PFKFB1: variants seen among roughly 807,000 people sequenced by gnomAD.
The protein encoded by PFKFB1 is 6-phosphofructo-2-kinase/fructose-2,6-bisphosphatase 1.
In PFKFB1, 34 loss-of-function variants were observed where a neutral mutation model predicts 46.4. The observed-to-expected ratio is 0.73, with a 90% CI of 0.56 to 0.98. The LOEUF is 0.98. PFKFB1 is among the 50% of genes least tolerant of loss of function. PFKFB1 has a pLI of 0.00. For synonymous variants in PFKFB1, 119 were observed against 133.8 expected (o/e 0.89, Z 0.76); for missense variants, 393 against 376.3 (o/e 1.04, Z -0.37).
intron 4 of PFKFB1, among the ~76,000 whole-genome samples, chrX:54,959,527 T>C (rs913604175): frequency 3.6e-5 from 4 of 111,780 alleles, no homozygotes; most frequent in African/African-American, 9.8e-5. Flanking sequence ...AGACTGGTAG[T>C]GTATAGTGGT....
chrX:54,954,548 A>G (rs1934079961), intron 7 of PFKFB1, among the ~76,000 whole-genome samples: 1 of 112,196 alleles, frequency 8.9e-6, no homozygotes, highest in African/African-American at 3.2e-5. Flanking sequence ...AAAAGTTTTT[A>G]AGATAGTTTT....
At chrX:54,972,906 C>T (rs770001427) in intron 1 of PFKFB1, among the ~76,000 whole-genome samples, 24 of 110,422 alleles carry the variant, frequency 2.2e-4, no homozygotes, top group Admixed American at 5.8e-4. Context: ...TAGTTTCAGA[C>T]GGAATGGTAC....
At chrX:54,997,826 T>C (rs193295600), upstream of PFKFB1, among the ~76,000 whole-genome samples, 48 of 112,198 alleles carry the variant, frequency 4.3e-4, no homozygotes, top group Non-Finnish European at 7.5e-5. Flanking sequence ...CCACAGACTA[T>C]AGTCGCACAG....
chrX:54,995,537 T>G (rs959187877), upstream of PFKFB1, among the ~76,000 whole-genome samples: 2 of 112,172 alleles, frequency 1.8e-5, no homozygotes, highest in Non-Finnish European at 3.8e-5. Context: ...TTAAGAGCAA[T>G]AGGCTCTGGA....
upstream of PFKFB1, chrX:54,994,540 A>C (rs1935328728): frequency 2.7e-6 from 2 of 752,730 alleles, no homozygotes; most frequent in Non-Finnish European, 3.1e-6. Context: ...CCAGAAACCA[A>C]GATTCACATC....
intron 1 of PFKFB1, among the ~76,000 whole-genome samples, chrX:54,965,110 G>A (rs1202335149): frequency 9.0e-6 from 1 of 111,551 alleles, no homozygotes; most frequent in Non-Finnish European, 1.9e-5. Flanking sequence ...AAAGAATAAG[G>A]CAGAAGAAAT....
intron 3 of PFKFB1, 29 bp from the exon 4 acceptor site, chrX:54,959,922 C>T (rs778651604): frequency 8.6e-6 from 9 of 1,042,518 alleles, no homozygotes; most frequent in Admixed American, 2.3e-5. Flanking sequence ...GAAAAAGAGG[C>T]AACCCTTATC....
chrX:54,994,173 C>A lies in PFKFB1; in HGVS notation c.-166G>T. 9.3e-7 allele frequency: 1 copy of A among 1,076,015 alleles called. No homozygotes were observed. The highest frequency in any genetic ancestry group is 2.4e-5 in the South Asian group (1 of 41,828). The allele number at this position is 1,076,015 out of a possible 1,213,427, so 88.7% of individuals were successfully genotyped here. ...CCTCTCAAAGTCTGTCTTCAGTCCCCTCTCTTCTTTCCTCTGGTCCTAGCC... is the reference window on the plus strand; with the variant it reads ...CCTCTCAAAGTCTGTCTTCAGTCCCATCTCTTCTTTCCTCTGGTCCTAGCC... On this transcript the variant is annotated 5_prime_UTR_variant, in exon 1 of 14. In the 5' UTR this introduces an upstream ATG that the reference lacks. Coordinates refer to ENST00000375006, the MANE Select transcript of PFKFB1 (RefSeq NM_002625.4).
intron 3 of PFKFB1, 126 bp from the exon 4 acceptor site, chrX:54,960,019 C>T (rs1934263153): frequency 7.5e-6 from 4 of 533,666 alleles, no homozygotes; most frequent in African/African-American, 6.9e-5. Context: ...TATTGAACAT[C>T]TACACAGGGT....
chrX:54,941,960 A>G (rs1036425632), intron 10 of PFKFB1, among the ~76,000 whole-genome samples: 5 of 112,168 alleles, frequency 4.5e-5, no homozygotes, highest in Non-Finnish European at 9.4e-5. Context: ...TTACTGTGGC[A>G]CTATTCACAA....
At chrX:54,949,037 C>T (rs1008699864) in intron 9 of PFKFB1, 38 bp downstream of exon 9, 3 of 1,191,740 alleles carry the variant, frequency 2.5e-6, no homozygotes, top group East Asian at 6.0e-5. Flanking sequence ...AGACTCAAGT[C>T]ACCCCCACAC....
At chrX:54,950,446 GT>G (rs1167792707) in intron 8 of PFKFB1, among the ~76,000 whole-genome samples, 2 of 112,249 alleles carry the variant, frequency 1.8e-5, no homozygotes, top group Non-Finnish European at 3.8e-5. Flanking sequence ...CTGGTACACA[GT>G]GGGTGCTGCG....
At chrX:54,973,940 G>A (rs1221618787) in intron 1 of PFKFB1, among the ~76,000 whole-genome samples, 2 of 111,464 alleles carry the variant, frequency 1.8e-5, no homozygotes, top group East Asian at 5.7e-4. Flanking sequence ...AGATCTGTAT[G>A]CTGGAAATTA....
intron 8 of PFKFB1, among the ~76,000 whole-genome samples, chrX:54,950,126 G>A (rs1264452765): frequency 8.9e-6 from 1 of 112,424 alleles, no homozygotes; most frequent in Non-Finnish European, 1.9e-5. Context: ...AACTGCTGAC[G>A]GCATGTGTTA....
intron 10 of PFKFB1, among the ~76,000 whole-genome samples, chrX:54,941,492 A>C (rs1933631499): frequency 8.9e-6 from 1 of 112,026 alleles, no homozygotes; most frequent in Non-Finnish European, 1.9e-5. Context: ...CAATCTACTC[A>C]TCTGACAAAG....
chrX:54,979,466 T>C (rs1340278031), intron 1 of PFKFB1, among the ~76,000 whole-genome samples: 2 of 111,851 alleles, frequency 1.8e-5, no homozygotes, highest in African/African-American at 6.5e-5. Context: ...TTTTAGGCTA[T>C]ATTTGTAAAG....
chrX:54,972,276 G>A (rs774102447), intron 1 of PFKFB1, among the ~76,000 whole-genome samples: 1 of 108,828 alleles, frequency 9.2e-6, no homozygotes, highest in South Asian at 4.1e-4. Flanking sequence ...CAATCATGTC[G>A]TCTGCAAACA....
intron 10 of PFKFB1, among the ~76,000 whole-genome samples, chrX:54,939,387 A>G (rs1431145157): frequency 2.7e-5 from 3 of 112,050 alleles, no homozygotes; most frequent in African/African-American, 9.7e-5. Context: ...AGAAATAACT[A>G]AGATCAGAGC....
chrX:54,976,269 C>T (rs1164744300), intron 1 of PFKFB1, among the ~76,000 whole-genome samples: 3 of 111,289 alleles, frequency 2.7e-5, no homozygotes, highest in African/African-American at 9.8e-5. Flanking sequence ...ATAAATAACA[C>T]TTAAAACTGA....
Sources: allele counts gnomAD v4.1 joint callset (sites outside exome capture counted in the v4.1 genomes callset), GRCh38; gene constraint gnomAD v4.1.1; transcripts MANE v1.5; gene names NCBI Gene and HGNC (gene_info 2026-07-23, HGNC 2026-07-21).